Variants in FRY observed in about 807,000 individuals in gnomAD.
FRY encodes protein furry homolog.
FRY carries 128 observed loss-of-function variants against 348.4 expected under a neutral mutation model. The observed-to-expected ratio is 0.37, with a 90% CI of 0.32 to 0.43. FRY has a LOEUF of 0.43. Among genes scored for constraint, FRY ranks in the 20% least tolerant of loss-of-function variants. The probability of loss-of-function intolerance (pLI) is 1.00; values close to 1 mark genes in which losing one functional copy is unlikely to be tolerated. For missense variants in FRY, 2,736 were observed against 3,695.2 expected, an observed-to-expected ratio of 0.74 and a Z score of 6.73; for synonymous variants, 1,370 against 1,374.7, an observed-to-expected ratio of 1.00 and a Z score of 0.08.
chr13:32,125,791 C>A (rs546926537), intron 7 of FRY, among the ~76,000 whole-genome samples: 67 of 152,292 alleles, frequency 4.4e-4, no homozygotes, highest in Non-Finnish European at 8.5e-4. Flanking sequence ...TTAATCTAAT[C>A]CAGTTTATCT....
chr13:32,136,996 C>A, intron 11 of FRY, 24 bp downstream of exon 11: 1 of 1,311,922 alleles, frequency 7.6e-7, no homozygotes, highest in Non-Finnish European at 1.1e-6. Flanking sequence ...AGCTCAAAAA[C>A]GATCTCTTTA....
intron 16 of FRY, among the ~76,000 whole-genome samples, chr13:32,160,903 A>C (rs1475727535): frequency 6.6e-6 from 1 of 151,046 alleles, no homozygotes. Flanking sequence ...AAGGCAAAAT[A>C]CTATTGATAT....
intron 21 of FRY, 23 bp from the exon 22 acceptor site, chr13:32,178,819 CTT>C (rs774437546): frequency 6.5e-7 from 1 of 1,537,226 alleles, no homozygotes; most frequent in Admixed American, 1.7e-5. Flanking sequence ...TAGTTTCACT[CTT>C]GTTTTCGACT....
chr13:32,111,587 A>G, intron 3 of FRY, among the ~76,000 whole-genome samples: 1 of 152,214 alleles, frequency 6.6e-6, no homozygotes, highest in African/African-American at 2.4e-5. Context: ...AGAATCTGTC[A>G]GGAAGAAGGA....
intron 4 of FRY, among the ~76,000 whole-genome samples, chr13:32,120,382 G>C (rs57932655): frequency 0.082 from 12,499 of 152,018 alleles, 557 homozygotes; most frequent in African/African-American, 0.14. Context: ...CCCTCAATCA[G>C]TGTGTTAGTC....
chr13:32,069,548 C>G (rs536975991), intron 1 of FRY, among the ~76,000 whole-genome samples: 1 of 151,972 alleles, frequency 6.6e-6, no homozygotes, highest in Non-Finnish European at 1.5e-5. Context: ...ACTATACCAG[C>G]GAATGAGGAA....
At chr13:32,145,509 C>T (rs204569) in intron 11 of FRY, among the ~76,000 whole-genome samples, 144,946 of 147,516 alleles carry the variant, frequency 0.98, 71,260 homozygotes, top group Middle Eastern at 1. Flanking sequence ...ACCCACACTC[C>T]CCTCTCTGAC....
At chr13:32,086,761 A>G (rs1376613752) in intron 2 of FRY, among the ~76,000 whole-genome samples, 1 of 152,194 alleles carries the variant, frequency 6.6e-6, no homozygotes, top group Non-Finnish European at 1.5e-5. Flanking sequence ...AAAAAATCTA[A>G]CTTTAATCTT....
intron 1 of FRY, among the ~76,000 whole-genome samples, chr13:32,064,943 C>G (rs940854548): frequency 6.6e-6 from 1 of 152,230 alleles, no homozygotes. Flanking sequence ...GACACCTCCA[C>G]TCATCCTTGC....
Position 32,239,984 on chromosome 13 carries a change from G to A in FRY, c.6687+103G>A, listed in dbSNP as rs1220387705. The A allele has an allele frequency of 1.0e-6, 1 of 958,840 alleles. No individual in the cohort carries two copies. Among genetic ancestry groups the A allele is most frequent in the African/African-American group, 1.6e-5 (1 of 61,170 alleles). The allele number at this position is 958,840 out of a possible 1,614,324, so 59.4% of individuals were successfully genotyped here. A position where few individuals can be genotyped will look rare whatever the true frequency, so the allele number is the denominator to read the frequency against. ...AGTCCTCCTGCCTTCGCCTCCCAGA[G>A]TGCTAGGATTACAGGCGTGGGCCAC... is the stretch of plus-strand genomic sequence containing the variant. On this transcript the variant is annotated intron_variant, in intron 46 of 60. Transcript: ENST00000542859. The surrounding 1 kb of genome is among the most constrained non-coding windows in gnomAD (Gnocchi z 4.3).
rs1297373262 is a variant in FRY at position 32,208,851 on chromosome 13, A to C, written c.4019-2A>C. On this transcript the variant is annotated splice_acceptor_variant, in intron 31 of 60. Transcript: ENST00000542859. LOFTEE classifies it high-confidence loss of function. Reference sequence around the variant, plus strand: ...ACTCTCTGTCACTGCAATTCTCTTTAGAGGTAAGCCAGCGATTCCCCACAA... The same window carrying C: ...ACTCTCTGTCACTGCAATTCTCTTTCGAGGTAAGCCAGCGATTCCCCACAA... 6.2e-7 allele frequency: 1 copy of C among 1,613,922 alleles called. No individual in the cohort carries two copies. The highest frequency in any genetic ancestry group is 8.5e-7 in the Non-Finnish European group (1 of 1,179,922).
chr13:32,251,734 T>C, intron 49 of FRY, 144 bp from the exon 50 acceptor site: 1 of 678,350 alleles, frequency 1.5e-6, no homozygotes, highest in Non-Finnish European at 2.7e-6. Flanking sequence ...CTATTTGTGT[T>C]CTTTTTTCAT....
chr13:32,155,207 G>C (rs1470356884), intron 14 of FRY, among the ~76,000 whole-genome samples: 1 of 152,118 alleles, frequency 6.6e-6, no homozygotes, highest in East Asian at 1.9e-4. Flanking sequence ...ATCTTTTAGA[G>C]ATACACTCAG....
chr13:32,135,029 G>T lies in FRY; in HGVS notation c.978+33G>T, dbSNP rs1204576964. ...TCATTTCTAAAAACTCCTTCAAATTGTATCACAAAATCAACAATTTTATTA... is the reference window on the plus strand; with the variant it reads ...TCATTTCTAAAAACTCCTTCAAATTTTATCACAAAATCAACAATTTTATTA... On this transcript the variant is annotated intron_variant, in intron 9 of 60. Coordinates refer to ENST00000542859, the MANE Select transcript of FRY (RefSeq NM_023037.3). 3.2e-6 allele frequency: 5 copies of T among 1,564,096 alleles called. No homozygotes were observed. In the South Asian group the frequency reaches 5.6e-5, roughly 17 times the overall value.
At chr13:32,058,917 T>G (rs893650959) in intron 1 of FRY, among the ~76,000 whole-genome samples, 2 of 152,240 alleles carry the variant, frequency 1.3e-5, no homozygotes, top group Non-Finnish European at 2.9e-5. Context: ...GTAGTGACAC[T>G]GGAGTCTGAT....
chr13:32,208,780 T>C, intron 31 of FRY, 73 bp from the exon 32 acceptor site: 11 of 1,556,068 alleles, frequency 7.1e-6, no homozygotes, highest in Non-Finnish European at 9.8e-6. Context: ...AGTCTGCAAG[T>C]TGGCATTTGA....
chr13:32,161,355 G>T, intron 17 of FRY, 104 bp downstream of exon 17: 1 of 850,574 alleles, frequency 1.2e-6, no homozygotes, highest in Admixed American at 1.8e-5. Context: ...TTTACCAAAT[G>T]AGGTACTGGG....
At chr13:32,286,115 C>T (rs1393149324) in intron 58 of FRY, among the ~76,000 whole-genome samples, 1 of 152,080 alleles carries the variant, frequency 6.6e-6, no homozygotes, top group African/African-American at 2.4e-5. Flanking sequence ...TAGGGTAGGG[C>T]TTGTTGGTGG....
At chr13:32,049,715 A>G (rs557198528) in intron 1 of FRY, among the ~76,000 whole-genome samples, 4 of 152,338 alleles carry the variant, frequency 2.6e-5, no homozygotes, top group Admixed American at 6.5e-5. Context: ...AGAGACAACA[A>G]GGACTCAAAA....
Sources: allele counts gnomAD v4.1 joint callset (sites outside exome capture counted in the v4.1 genomes callset), GRCh38; gene constraint gnomAD v4.1.1; non-coding constraint Gnocchi (gnomAD v3.1); transcripts MANE v1.5; gene names NCBI Gene and HGNC (gene_info 2026-07-23, HGNC 2026-07-21).